The following SWAP70 variants were observed in gnomAD, a reference collection of about 807,000 sequenced individuals.
SWAP70 encodes switching B cell complex subunit SWAP70.
In SWAP70, 34 loss-of-function variants were observed where a neutral mutation model predicts 80.2. The observed-to-expected ratio is 0.42, with a 90% CI of 0.32 to 0.56. The LOEUF is 0.56. Ranked by LOEUF, SWAP70 falls within the 20% of genes least tolerant of loss-of-function variation. The pLI is 0.09. For synonymous variants in SWAP70, 239 were observed against 238.5 expected (o/e 1.00, Z -0.02); for missense variants, 578 against 690.7 (o/e 0.84, Z 1.83).
chr11:9,713,423 A>T, intron 2 of SWAP70, 43 bp from the exon 3 acceptor site: 1 of 1,581,120 alleles, frequency 6.3e-7, no homozygotes, highest in South Asian at 1.2e-5. Context: ...GATACTGCTT[A>T]TATCGGACTG....
Position 9,694,171 on chromosome 11 carries a change from T to C in SWAP70, c.125T>C (p.Val42Ala). ...GTCCTTTCCCATAACCTGTGCACGG[T>C]GCTGAAGGTTCCTCATGACCCAGTT... The part of the protein sequence containing the change: ...LKVLSHNLCT[V>A]LKVPHDPVAL... Residue 42 changes from valine (V) to alanine (A), a missense_variant, in exon 2 of 12, where the codon GTG (valine) becomes GCG (alanine). By Grantham distance (64) the Val-to-Ala change is moderately conservative. Coordinates refer to ENST00000318950, the MANE Select transcript of SWAP70 (RefSeq NM_015055.4). The C allele has an allele frequency of 3.7e-6, 6 of 1,612,314 alleles. No homozygotes were observed. The highest frequency in any genetic ancestry group is 5.1e-6 in the Non-Finnish European group (6 of 1,179,392).
intron 2 of SWAP70, among the ~76,000 whole-genome samples, chr11:9,704,251 C>G (rs1204075121): frequency 6.6e-6 from 1 of 152,074 alleles, no homozygotes; most frequent in Non-Finnish European, 1.5e-5. Flanking sequence ...ACTGTGCAAA[C>G]ACACTGGTCA....
chr11:9,716,006 C>T lies in SWAP70; in HGVS notation c.414+2367C>T, dbSNP rs558628140. Among the ~76,000 whole-genome samples, 21 of 152,302 alleles carry T rather than the reference C, an allele frequency of 1.4e-4. No homozygotes were observed. The South Asian group carries it at 4.4e-3, about 32-fold the overall frequency. On this transcript the variant is annotated intron_variant, in intron 3 of 11. Coordinates refer to ENST00000318950, the MANE Select transcript of SWAP70 (RefSeq NM_015055.4). ...GGAAAGGATACATTTGCATTTTCAG[C>T]TTCTACATTGGCAGGTAGGGATTTC... is the stretch of plus-strand genomic sequence containing the variant.
chr11:9,674,801 A>G lies in SWAP70; in HGVS notation c.99+10523A>G, dbSNP rs143492124. 8.6e-5 allele frequency among the ~76,000 whole-genome samples: 13 copies of G among 151,998 alleles called. 1 individual carries two copies. In the East Asian group the frequency reaches 2.3e-3, roughly 27 times the overall value. On this transcript the variant is annotated intron_variant, in intron 1 of 11. Coordinates refer to ENST00000318950, the MANE Select transcript of SWAP70 (RefSeq NM_015055.4). ...AACACGGTGAAACCCCTTCTCTACC[A>G]AAAATACAAAAAAAGAAATTAGCTG...
chr11:9,671,102 T>C (rs1850371741), intron 1 of SWAP70, among the ~76,000 whole-genome samples: 2 of 136,606 alleles, frequency 1.5e-5, no homozygotes, highest in Admixed American at 7.9e-5. Flanking sequence ...TATATAAATA[T>C]ATAAATATAA....
At chr11:9,731,096 C>A (rs1015227513) in intron 6 of SWAP70, among the ~76,000 whole-genome samples, 4 of 152,104 alleles carry the variant, frequency 2.6e-5, no homozygotes, top group African/African-American at 9.7e-5. Flanking sequence ...CATGTTGCTG[C>A]AGAAGACATG....
intron 3 of SWAP70, among the ~76,000 whole-genome samples, chr11:9,718,289 T>G (rs904867263): frequency 6.6e-6 from 1 of 152,222 alleles, no homozygotes; most frequent in African/African-American, 2.4e-5. Context: ...GAATTTGAGT[T>G]AGTTTTATAG....
rs747533817 is a variant in SWAP70 at position 9,738,287 on chromosome 11, C to T, written c.1155C>T (p.Ala385=). ...TTCAGACTCAAGTGGAACTTCAGGC[C>T]AGGTTCAGCACAGAGCTGGAAAGAG... ...KRLQTQVELQ[A]RFSTELEREK... The change falls in exon 8 of 12, where the codon GCC becomes GCT. Residue 385 remains alanine (A), a synonymous_variant. Transcript: ENST00000318950. The T allele has an allele frequency of 6.2e-7, 1 of 1,610,286 alleles. No individual in the cohort carries two copies. Among genetic ancestry groups the T allele is most frequent in the South Asian group, 1.1e-5 (1 of 90,506 alleles).
intron 5 of SWAP70, among the ~76,000 whole-genome samples, chr11:9,728,662 T>G (rs559519008): frequency 6.6e-6 from 1 of 152,332 alleles, no homozygotes; most frequent in African/African-American, 2.4e-5. Flanking sequence ...TACTAATTCT[T>G]TAAAGAAGTG....
chr11:9,741,716 G>C (rs943870272), intron 9 of SWAP70: 4 of 152,090 alleles, frequency 2.6e-5, no homozygotes, highest in Non-Finnish European at 5.9e-5. Flanking sequence ...TAGTTATTTA[G>C]TGTTTATAGA....
chr11:9,725,547 ATATATATATATATATATATATATTTT>A (rs1315617465), intron 4 of SWAP70, among the ~76,000 whole-genome samples: 2 of 10,070 alleles, frequency 2.0e-4, no homozygotes, highest in Non-Finnish European at 4.8e-4. Context: ...ATATATATAT[ATATATATATATATATATATATATTTT>A]TTTTTTTTTT....
chr11:9,751,432 G>C lies in SWAP70; in HGVS notation c.*1462G>C, dbSNP rs1189462728. The C allele has an allele frequency of 6.6e-6, 1 of 152,224 alleles. No homozygotes were observed. The highest frequency in any genetic ancestry group is 1.9e-4 in the East Asian group (1 of 5,206). The allele number at this position is 152,224 out of a possible 1,614,324, so 9.4% of individuals were successfully genotyped here. On this transcript the variant is annotated 3_prime_UTR_variant, in exon 12 of 12. Transcript: ENST00000318950. The stretch of plus-strand genomic sequence containing the variant: ...GCCTTCTAACACTAGTTATAATTGA[G>C]AAGCAACAGTAACTCCGTGGACAGC...
intron 4 of SWAP70, among the ~76,000 whole-genome samples, chr11:9,726,659 T>C (rs1851229171): frequency 6.6e-6 from 1 of 152,260 alleles, no homozygotes; most frequent in Admixed American, 6.5e-5. Context: ...TCATATATAT[T>C]TAATGATATG....
intron 6 of SWAP70, 56 bp downstream of exon 6, chr11:9,729,507 T>C: frequency 7.4e-7 from 1 of 1,355,642 alleles, no homozygotes; most frequent in Non-Finnish European, 1.0e-6. Flanking sequence ...TGACTTTCTT[T>C]TTTTTTTCTG....
intron 8 of SWAP70, among the ~76,000 whole-genome samples, chr11:9,738,707 A>G (rs993161133): frequency 3.1e-5 from 4 of 127,148 alleles, no homozygotes; most frequent in African/African-American, 1.2e-4. Context: ...AAAAAAAAAA[A>G]AGAATTAGCC....
chr11:9,718,045 C>T (rs1299955578), intron 3 of SWAP70, among the ~76,000 whole-genome samples: 2 of 152,214 alleles, frequency 1.3e-5, no homozygotes, highest in African/African-American at 2.4e-5. Flanking sequence ...CCTTGATGTG[C>T]GTTTCTGTAG....
chr11:9,721,463 C>T (rs892954224), intron 3 of SWAP70, among the ~76,000 whole-genome samples: 22 of 139,408 alleles, frequency 1.6e-4, no homozygotes, highest in Admixed American at 9.3e-4. Flanking sequence ...TATATTTTTT[C>T]TTTCTTTCTT....
At chr11:9,710,130 A>G (rs1218967889) in intron 2 of SWAP70, among the ~76,000 whole-genome samples, 1 of 152,028 alleles carries the variant, frequency 6.6e-6, no homozygotes, top group East Asian at 1.9e-4. Context: ...TCCACATTTA[A>G]GTGGACCCTC....
intron 7 of SWAP70, among the ~76,000 whole-genome samples, chr11:9,733,734 C>G (rs1371311094): frequency 1.3e-5 from 2 of 152,158 alleles, no homozygotes; most frequent in African/African-American, 4.8e-5. Context: ...CGCTGAGCAC[C>G]TGCCGTATGT....
Sources: gnomAD v4.1 joint callset for allele counts (sites outside exome capture counted in the v4.1 genomes callset) on GRCh38, gnomAD v4.1.1 for gene constraint, MANE v1.5 for transcripts, NCBI Gene and HGNC (gene_info 2026-07-23, HGNC 2026-07-21) for gene names.